DOT1L: variants seen among roughly 807,000 people sequenced by gnomAD.
The protein encoded by DOT1L is DOT1 like histone lysine methyltransferase.
Under a neutral mutation model 153.3 loss-of-function variants are expected in DOT1L, and 33 were observed. That is an observed-to-expected ratio of 0.22 (90% CI 0.16 to 0.29). The LOEUF is 0.29. Ranked by LOEUF, DOT1L falls within the 10% of genes least tolerant of loss-of-function variation. The pLI is 1.00. For synonymous variants in DOT1L, 1,135 were observed against 965.1 expected (o/e 1.18, Z -3.26); for missense variants, 1,847 against 2,119.9 (o/e 0.87, Z 2.53).
chr19:2,167,878 G>A (rs2019986948), intron 1 of DOT1L, among the ~76,000 whole-genome samples: 1 of 151,892 alleles, frequency 6.6e-6, no homozygotes, highest in Admixed American at 6.6e-5. Flanking sequence ...TGGGATTACA[G>A]ACCTGTGCCA....
intron 3 of DOT1L, 32 bp from the exon 4 acceptor site, chr19:2,189,700 G>T (rs367786294): frequency 1.5e-5 from 24 of 1,606,278 alleles, no homozygotes; most frequent in Admixed American, 3.3e-5. Flanking sequence ...GCTCCTGCCC[G>T]CATGACCAGG....
chr19:2,169,773 T>A (rs555839988), intron 1 of DOT1L, among the ~76,000 whole-genome samples: 2 of 152,314 alleles, frequency 1.3e-5, no homozygotes, highest in Non-Finnish European at 1.5e-5. Flanking sequence ...AAATAAATGC[T>A]CCACTTATAT....
Position 2,231,337 on chromosome 19 carries a change from T to C in DOT1L, c.*1545T>C. On this transcript the variant is annotated 3_prime_UTR_variant, in exon 28 of 28. Coordinates refer to ENST00000398665, the MANE Select transcript of DOT1L (RefSeq NM_032482.3). ...GGGAGCTGCCAGCCCTGTGTTCTGG[T>C]TCCCAAGGGCAGGATGGACACACGT... is the stretch of plus-strand genomic sequence containing the variant. The C allele has an allele frequency of 4.7e-6, 1 of 212,006 alleles. No homozygotes were observed. The allele number at this position is 212,006 out of a possible 1,614,324, so 13.1% of individuals were successfully genotyped here.
At chr19:2,199,827 G>A (rs996816537) in intron 7 of DOT1L, 57 bp from the exon 8 acceptor site, 37 of 1,592,460 alleles carry the variant, frequency 2.3e-5, no homozygotes, top group African/African-American at 1.3e-4. Context: ...GGGGCTGGGC[G>A]GGCTGGGAGT....
intron 2 of DOT1L, among the ~76,000 whole-genome samples, chr19:2,183,360 G>C (rs1414532019): frequency 2.6e-5 from 4 of 151,980 alleles, no homozygotes; most frequent in Non-Finnish European, 5.9e-5. Context: ...TAGTAGAGGC[G>C]AGGTTTTGCC....
rs901279979 is a variant in DOT1L, at chr19:2,232,019, C to G, written c.*2227C>G. On this transcript the variant is annotated 3_prime_UTR_variant, in exon 28 of 28. Coordinates refer to ENST00000398665, the MANE Select transcript of DOT1L (RefSeq NM_032482.3). ...CTGTTCTGAGCCCTGGGCCTGTGTT[C>G]TTCTCAGACACTCCCAGACTGAGGG... 1 of 208,008 alleles carries G rather than the reference C, an allele frequency of 4.8e-6. No individual in the cohort carries two copies. Among genetic ancestry groups the G allele is most frequent in the Non-Finnish European group, 9.8e-6 (1 of 102,156 alleles). The allele number at this position is 208,008 out of a possible 1,614,324, so 12.9% of individuals were successfully genotyped here.
chr19:2,174,958 ATGTGTGTGTGTGTGTGTG>A (rs71337121), intron 1 of DOT1L, among the ~76,000 whole-genome samples: 1 of 129,994 alleles, frequency 7.7e-6, no homozygotes, highest in Non-Finnish European at 1.6e-5. Flanking sequence ...TTTTAAATAT[ATGTGTGTGTGTGTGTGTG>A]TGTGTGTGTG....
At chr19:2,199,817 G>C in intron 7 of DOT1L, 67 bp from the exon 8 acceptor site, 1 of 1,578,788 alleles carries the variant, frequency 6.3e-7, no homozygotes, top group East Asian at 2.3e-5. Flanking sequence ...TTTCTTCACA[G>C]GGGCTGGGCG....
intron 8 of DOT1L, 84 bp downstream of exon 8, chr19:2,200,023 G>A (rs2023183314): frequency 2.6e-6 from 4 of 1,530,720 alleles, no homozygotes; most frequent in East Asian, 2.3e-5. Context: ...ACCGGGAGCG[G>A]CCCCTCGCTC....
chr19:2,164,858 T>G (rs1172305651), intron 1 of DOT1L, among the ~76,000 whole-genome samples: 1 of 152,154 alleles, frequency 6.6e-6, no homozygotes, highest in African/African-American at 2.4e-5. Flanking sequence ...CCTGGGAAAT[T>G]AGGCATCTTT....
At chr19:2,183,818 G>C (rs1329696522) in intron 2 of DOT1L, among the ~76,000 whole-genome samples, 3 of 151,894 alleles carry the variant, frequency 2.0e-5, no homozygotes, top group African/African-American at 4.8e-5. Flanking sequence ...GTAGAGACAG[G>C]GTTTCACCAT....
Position 2,226,600 on chromosome 19 carries a change from A to C in DOT1L, c.4079A>C (p.Glu1360Ala), listed in dbSNP as rs750780393. 3 of 1,598,602 alleles carry C rather than the reference A, an allele frequency of 1.9e-6. No individual in the cohort carries two copies. The South Asian group carries it at 3.3e-5, about 18-fold the overall frequency. ...PLSFPSQRGKEGSDANPFLSK... is the reference protein window; with the variant it reads ...PLSFPSQRGKAGSDANPFLSK... ...AGCTTCCCCTCGCAGCGCGGCAAGG[A>C]GGGCTCGGACGCCAACCCTTTCCTG... is the stretch of plus-strand genomic sequence containing the variant. Residue 1360 changes from glutamate to alanine, a missense_variant, in exon 27 of 28, where the codon GAG (glutamate) becomes GCG (alanine). This residue lies in a region of DOT1L where 934 missense variants were observed against 825.3 expected (regional missense o/e 1.13). Coordinates refer to ENST00000398665, the MANE Select transcript of DOT1L (RefSeq NM_032482.3).
intron 26 of DOT1L, among the ~76,000 whole-genome samples, chr19:2,225,742 T>C (rs1444139315): frequency 6.6e-6 from 1 of 152,170 alleles, no homozygotes; most frequent in Non-Finnish European, 1.5e-5. Flanking sequence ...GATCGTCACC[T>C]TGGGTCCCCT....
Position 2,216,414 on chromosome 19 carries a change from A to G in DOT1L, c.2057A>G (p.Asp686Gly), listed in dbSNP as rs2144866392. The G allele has an allele frequency of 6.2e-7, 1 of 1,612,504 alleles. No individual in the cohort carries two copies. Among genetic ancestry groups the G allele is most frequent in the South Asian group, 1.1e-5 (1 of 91,078 alleles). The part of the protein sequence containing the change: ...KGALGRELEP[D>G]ASRLHLELDC... ...GCCCTGGGCCGCGAGCTGGAGCCTGACGCCAGCCGGCTGCACCTGGAGCTG... is the reference window on the plus strand; with the variant it reads ...GCCCTGGGCCGCGAGCTGGAGCCTGGCGCCAGCCGGCTGCACCTGGAGCTG... Residue 686 changes from aspartate (D) to glycine (G), a missense_variant, in exon 20 of 28, where the codon GAC becomes GGC. By Grantham distance (94) the Asp-to-Gly change is moderately conservative. Around this residue, in one of 8 missense-constraint regions of DOT1L, gnomAD observed 281 missense variants for 263.6 expected, o/e 1.07. Coordinates refer to ENST00000398665, the MANE Select transcript of DOT1L (RefSeq NM_032482.3).
intron 1 of DOT1L, among the ~76,000 whole-genome samples, chr19:2,172,037 A>C (rs1248048033): frequency 6.6e-6 from 1 of 152,142 alleles, no homozygotes; most frequent in Non-Finnish European, 1.5e-5. Flanking sequence ...CTTGTAGGTA[A>C]TTCATCAGCT....
At chr19:2,176,614 TG>T (rs2021950125) in intron 1 of DOT1L, among the ~76,000 whole-genome samples, 1 of 152,184 alleles carries the variant, frequency 6.6e-6, no homozygotes, top group South Asian at 2.1e-4. Flanking sequence ...GGCCTGCGCC[TG>T]TGAGAAGCGC....
chr19:2,214,264 T>C, intron 18 of DOT1L: 1 of 893,220 alleles, frequency 1.1e-6, no homozygotes, highest in Non-Finnish European at 1.7e-6. Context: ...CATCGTGGTG[T>C]GGGTGCTGGA....
At position 2,220,021 on chromosome 19, in the gene DOT1L, C is replaced by A; in HGVS notation, c.2692-87C>A. On this transcript the variant is annotated intron_variant, in intron 22 of 27. Coordinates refer to ENST00000398665, the MANE Select transcript of DOT1L (RefSeq NM_032482.3). This position sits in a 1 kb window ranked among gnomAD's most constrained non-coding sequence, Gnocchi z 4.5. The stretch of plus-strand genomic sequence containing the variant: ...CCCGGCGGCCTCCCCCAGCCAGCTG[C>A]AGGCCTCAACACTCACTGTTTCCAG... The A allele has an allele frequency of 1.6e-6, 2 of 1,252,520 alleles. No homozygotes were observed. The highest frequency in any genetic ancestry group is 2.4e-5 in the East Asian group (1 of 41,534). 77.6% of individuals were successfully genotyped at this position (1,252,520 alleles called of 1,614,324 possible).
intron 1 of DOT1L, among the ~76,000 whole-genome samples, chr19:2,172,372 G>A (rs1183393632): frequency 1.3e-5 from 2 of 150,892 alleles, no homozygotes; most frequent in Admixed American, 1.3e-4. Context: ...TGTATTTTTA[G>A]CAGAGATGGG....
Sources: allele counts gnomAD v4.1 joint callset (sites outside exome capture counted in the v4.1 genomes callset), GRCh38; gene constraint gnomAD v4.1.1; regional missense constraint gnomAD v4.1.1; non-coding constraint Gnocchi (gnomAD v3.1); transcripts MANE v1.5; gene names NCBI Gene and HGNC (gene_info 2026-07-23, HGNC 2026-07-21).